PCNX1: variants seen among roughly 807,000 people sequenced by gnomAD.
The protein encoded by PCNX1 is pecanex 1.
Under a neutral mutation model 242.2 loss-of-function variants are expected in PCNX1, and 78 were observed. That is an observed-to-expected ratio of 0.32 (90% CI 0.27 to 0.39). The LOEUF (loss-of-function observed/expected upper bound fraction) is 0.39. Among genes scored for constraint, PCNX1 ranks in the 10% least tolerant of loss-of-function variants. PCNX1 has a pLI of 1.00. For synonymous variants in PCNX1, 1,024 were observed against 1,032.9 expected, an observed-to-expected ratio of 0.99 and a Z score of 0.17; for missense variants, 2,581 against 2,856.5, an observed-to-expected ratio of 0.90 and a Z score of 2.20.
At chr14:70,998,760 A>G (rs1350062032) in intron 8 of PCNX1, among the ~76,000 whole-genome samples, 4 of 151,472 alleles carry the variant, frequency 2.6e-5, no homozygotes, top group Non-Finnish European at 4.4e-5. Flanking sequence ...CAAAAAAAAA[A>G]AAAAAAAAAA....
intron 1 of PCNX1, among the ~76,000 whole-genome samples, chr14:70,917,435 G>T (rs2056194939): frequency 6.6e-6 from 1 of 152,172 alleles, no homozygotes. Context: ...AATAGATGTT[G>T]TGTTAGCAGG....
intron 7 of PCNX1, among the ~76,000 whole-genome samples, chr14:70,992,957 C>T (rs2059212780): frequency 6.6e-6 from 1 of 152,038 alleles, no homozygotes; most frequent in African/African-American, 2.4e-5. Context: ...AACCATATTC[C>T]AGTCTCATTT....
intron 23 of PCNX1, among the ~76,000 whole-genome samples, chr14:71,051,411 G>T (rs1019130641): frequency 7.3e-5 from 11 of 151,626 alleles, no homozygotes; most frequent in Non-Finnish European, 1.5e-4. Flanking sequence ...ATAAATGAAG[G>T]TACAAAACAT....
Position 70,945,824 on chromosome 14 carries a change from C to T in PCNX1, c.154-1091C>T, listed in dbSNP as rs560337750. ...CTGGGATTACAAGTGCCCACCACTA[C>T]GCCTGGCTAGAGGTTACTCTTTTAA... is the stretch of plus-strand genomic sequence containing the variant. On this transcript the variant is annotated intron_variant, in intron 1 of 35. Transcript: ENST00000304743. Among the ~76,000 whole-genome samples, 8 of 152,254 alleles carry T rather than the reference C, an allele frequency of 5.3e-5. No individual in the cohort carries two copies. The East Asian group carries it at 9.6e-4, about 18-fold the overall frequency.
chr14:70,933,438 A>G (rs1220019400), intron 1 of PCNX1, among the ~76,000 whole-genome samples: 1 of 152,246 alleles, frequency 6.6e-6, no homozygotes, highest in Non-Finnish European at 1.5e-5. Context: ...TTGAAAAGAA[A>G]TTCAAAAGAA....
intron 5 of PCNX1, among the ~76,000 whole-genome samples, chr14:70,973,775 T>C (rs1251701878): frequency 1.3e-5 from 2 of 152,220 alleles, no homozygotes; most frequent in African/African-American, 4.8e-5. Flanking sequence ...ATGTTAACTT[T>C]AGAAAATATA....
At chr14:70,920,706 A>G (rs2056343559) in intron 1 of PCNX1, among the ~76,000 whole-genome samples, 1 of 152,204 alleles carries the variant, frequency 6.6e-6, no homozygotes, top group East Asian at 1.9e-4. Flanking sequence ...TGCTGTTTTT[A>G]CTAATTTATA....
chr14:70,974,393 A>G (rs1298342274), intron 5 of PCNX1, among the ~76,000 whole-genome samples: 3 of 152,022 alleles, frequency 2.0e-5, no homozygotes, highest in Non-Finnish European at 4.4e-5. Flanking sequence ...TCGGCCTCCC[A>G]AAGTGCTGGG....
At chr14:71,010,062 C>A (rs1246169620) in intron 9 of PCNX1, among the ~76,000 whole-genome samples, 1 of 152,006 alleles carries the variant, frequency 6.6e-6, no homozygotes, top group Non-Finnish European at 1.5e-5. Flanking sequence ...ATTTTGAAAA[C>A]ATCTTTATAT....
Position 71,101,160 on chromosome 14 carries a change from A to G in PCNX1, c.5590-830A>G, listed in dbSNP as rs12897584. ...GGTCAGTTGACTTGAGTGCAAATGG[A>G]TTACTTTACTGGGATACAGAAATTT... On this transcript the variant is annotated intron_variant, in intron 30 of 35. Transcript: ENST00000304743. Among the ~76,000 whole-genome samples the G allele has an allele frequency of 2.0e-5, 3 of 152,264 alleles. No individual in the cohort carries two copies. In the East Asian group the frequency reaches 5.8e-4, roughly 29 times the overall value.
intron 2 of PCNX1, among the ~76,000 whole-genome samples, chr14:70,961,293 G>C (rs61988734): frequency 0.014 from 2,165 of 152,234 alleles, 24 homozygotes; most frequent in Middle Eastern, 0.034. Context: ...AACCAAAACA[G>C]CATGGTACTG....
Position 71,013,042 on chromosome 14 carries a change from G to T in PCNX1, c.2836G>T (p.Glu946Ter). Residue 946 changes from glutamate (E) to a stop codon, truncating the protein, a stop_gained, in exon 11 of 36, where the codon GAG (glutamate) becomes TAG (stop). Coordinates refer to ENST00000304743, the MANE Select transcript of PCNX1 (RefSeq NM_014982.3). LOFTEE classifies it high-confidence loss of function. ...ATTGACCATTGATACAGATTTGTTG[G>T]AGCAACAGGACATTGATCTAAGCCC... is the stretch of plus-strand genomic sequence containing the variant. ...RLLTIDTDLL[E>*]QQDIDLSPDL... 6.2e-7 allele frequency: 1 copy of T among 1,613,968 alleles called. No individual in the cohort carries two copies. The highest frequency in any genetic ancestry group is 8.5e-7 in the Non-Finnish European group (1 of 1,179,958).
intron 12 of PCNX1, among the ~76,000 whole-genome samples, chr14:71,019,931 C>T (rs906649683): frequency 3.9e-5 from 6 of 152,016 alleles, no homozygotes; most frequent in African/African-American, 1.2e-4. Flanking sequence ...GCTATCCCTC[C>T]CCTACCCTCC....
chr14:71,098,364 T>TG (rs1319979807), intron 30 of PCNX1, among the ~76,000 whole-genome samples: 1 of 152,224 alleles, frequency 6.6e-6, no homozygotes, highest in African/African-American at 2.4e-5. Context: ...TAGATTGCCT[T>TG]GGGCAGTATG....
intron 1 of PCNX1, among the ~76,000 whole-genome samples, chr14:70,908,647 C>T (rs1256800875): frequency 6.6e-6 from 1 of 152,258 alleles, no homozygotes; most frequent in African/African-American, 2.4e-5. Context: ...TTGTGCTTCG[C>T]AGCGGTTCTT....
At chr14:71,025,721 T>TA (rs2060225866) in intron 13 of PCNX1, among the ~76,000 whole-genome samples, 1 of 151,998 alleles carries the variant, frequency 6.6e-6, no homozygotes, top group Non-Finnish European at 1.5e-5. Context: ...CTAAAAAAAT[T>TA]AAACAGGTGC....
intron 17 of PCNX1, 102 bp downstream of exon 17, chr14:71,033,640 T>C (rs2060452551): frequency 1.5e-6 from 1 of 671,326 alleles, no homozygotes; most frequent in East Asian, 2.7e-5. Context: ...CTTTCCAAAG[T>C]GCTTTGGCCT....
chr14:70,921,091 C>T (rs191480737), intron 1 of PCNX1, among the ~76,000 whole-genome samples: 6 of 152,150 alleles, frequency 3.9e-5, no homozygotes, highest in African/African-American at 1.4e-4. Flanking sequence ...TATTTTTTAG[C>T]TTCTGAGAAT....
chr14:70,925,034 A>G (rs1053260659), intron 1 of PCNX1, among the ~76,000 whole-genome samples: 2 of 151,632 alleles, frequency 1.3e-5, no homozygotes, highest in Non-Finnish European at 2.9e-5. Context: ...TGTTGCCCAG[A>G]CAGGAGTGCA....
Sources: allele counts gnomAD v4.1 joint callset (sites outside exome capture counted in the v4.1 genomes callset), GRCh38; gene constraint gnomAD v4.1.1; transcripts MANE v1.5; gene names NCBI Gene and HGNC (gene_info 2026-07-23, HGNC 2026-07-21).